CCDC141: variants seen among roughly 807,000 people sequenced by gnomAD.
CCDC141 encodes the protein coiled-coil domain-containing protein 141.
In CCDC141, 168 loss-of-function variants were observed where a neutral mutation model predicts 181.0. The observed-to-expected ratio is 0.93, with a 90% CI of 0.82 to 1.05. The LOEUF is 1.05. Ranked by LOEUF, CCDC141 falls within the 50% of genes least tolerant of loss-of-function variation. The pLI is 0.00. For synonymous variants in CCDC141, 666 were observed against 642.3 expected (o/e 1.04, Z -0.56); for missense variants, 1,902 against 1,788.5 (o/e 1.06, Z -1.14).
intron 2 of CCDC141, among the ~76,000 whole-genome samples, chr2:179,033,564 T>G (rs369656893): frequency 6.6e-6 from 1 of 152,240 alleles, no homozygotes; most frequent in East Asian, 1.9e-4. Flanking sequence ...TCAGACATAT[T>G]GAAGACTGGG....
chr2:178,898,426 C>A (rs578005135), intron 8 of CCDC141, among the ~76,000 whole-genome samples: 12 of 152,134 alleles, frequency 7.9e-5, no homozygotes, highest in Non-Finnish European at 1.0e-4. Context: ...CTCAGTTATT[C>A]TTCTACAGCA....
chr2:179,026,322 T>C (rs1271636705), intron 2 of CCDC141, among the ~76,000 whole-genome samples: 1 of 152,156 alleles, frequency 6.6e-6, no homozygotes, highest in Admixed American at 6.5e-5. Context: ...GTGGCCTGCA[T>C]CCCAACCACT....
chr2:178,827,454 T>A (rs186529417), downstream of CCDC141, among the ~76,000 whole-genome samples: 2 of 152,154 alleles, frequency 1.3e-5, no homozygotes, highest in African/African-American at 4.8e-5. Context: ...CTTCCTTATA[T>A]TGTATATATT....
intron 8 of CCDC141, among the ~76,000 whole-genome samples, chr2:178,902,245 G>T (rs1687732820): frequency 6.6e-6 from 1 of 152,036 alleles, no homozygotes; most frequent in African/African-American, 2.4e-5. Flanking sequence ...CACAGAATTG[G>T]AAAAAACTAC....
chr2:178,914,033 G>A (rs992548074), intron 7 of CCDC141, among the ~76,000 whole-genome samples: 3 of 152,102 alleles, frequency 2.0e-5, no homozygotes, highest in South Asian at 2.1e-4. Flanking sequence ...TGATAAATAC[G>A]TTTGGGGTGA....
rs1309098500 is a variant in CCDC141 at position 178,832,799 on chromosome 2, A to G, written c.*1374T>C. 2 of 152,174 alleles carry G rather than the reference A, an allele frequency of 1.3e-5. No individual in the cohort carries two copies. Among genetic ancestry groups the G allele is most frequent in the Non-Finnish European group, 2.9e-5 (2 of 68,030 alleles). The allele number at this position is 152,174 out of a possible 1,614,324, so 9.4% of individuals were successfully genotyped here. A position where few individuals can be genotyped will look rare whatever the true frequency, so the allele number is the denominator to read the frequency against. Reference sequence around the variant, plus strand: ...AAATCTGTAATGAATTATTCTTTCAACTAAAGATTTTCCTCAGCATAATAA... The same window carrying G: ...AAATCTGTAATGAATTATTCTTTCAGCTAAAGATTTTCCTCAGCATAATAA... On this transcript the variant is annotated 3_prime_UTR_variant, in exon 24 of 24. Transcript: ENST00000443758.
chr2:178,865,791 G>T lies in CCDC141; in HGVS notation c.2700C>A (p.Cys900Ter). The part of the protein sequence containing the change: ...GRTLSRSVEY[C>*]AMRDEINELK... The stretch of plus-strand genomic sequence containing the variant: ...CCTCATTTATCTCGTCTCTCATGGC[G>T]CAGTACTCCACACTACGGGACAGGG... The change falls in exon 17 of 24, where the codon TGC (cysteine) becomes TGA (stop). Residue 900 changes from cysteine (C) to a stop codon, truncating the protein, a stop_gained. Coordinates refer to ENST00000443758, the MANE Select transcript of CCDC141 (RefSeq NM_173648.4). LOFTEE classifies it high-confidence loss of function. 2.5e-6 allele frequency: 4 copies of T among 1,577,376 alleles called. No homozygotes were observed. The highest frequency in any genetic ancestry group is 3.4e-6 in the Non-Finnish European group (4 of 1,163,226).
Position 178,923,329 on chromosome 2 carries a change from C to T in CCDC141, c.898-4422G>A, listed in dbSNP as rs529550391. Among the ~76,000 whole-genome samples the T allele has an allele frequency of 1.6e-4, 24 of 152,162 alleles. 1 individual carries two copies. The South Asian group carries it at 3.7e-3, about 24-fold the overall frequency. Reference sequence around the variant, plus strand: ...CCATTTTAGCCGGGATGGTCTCGATCTCCTGACCTCGTGATCCGCCCGCCT... The same window carrying T: ...CCATTTTAGCCGGGATGGTCTCGATTTCCTGACCTCGTGATCCGCCCGCCT... On this transcript the variant is annotated intron_variant, in intron 6 of 23. Transcript: ENST00000443758.
At chr2:178,878,408 C>T (rs1208268622) in intron 11 of CCDC141, among the ~76,000 whole-genome samples, 2 of 151,272 alleles carry the variant, frequency 1.3e-5, no homozygotes, top group East Asian at 3.9e-4. Context: ...AAGCAATCCT[C>T]TCTCCTCATC....
At chr2:178,978,797 C>T (rs2154380798) in intron 2 of CCDC141, 122 bp from the exon 3 acceptor site, 1 of 731,304 alleles carries the variant, frequency 1.4e-6, no homozygotes, top group African/African-American at 1.8e-5. Flanking sequence ...TTTATAAACA[C>T]AAACTGTTAT....
At chr2:178,939,121 T>C (rs1689406342) in intron 6 of CCDC141, among the ~76,000 whole-genome samples, 1 of 152,142 alleles carries the variant, frequency 6.6e-6, no homozygotes, top group African/African-American at 2.4e-5. Context: ...GCTAGGTCTT[T>C]CCAGAAATCC....
intron 2 of CCDC141, among the ~76,000 whole-genome samples, chr2:179,027,956 C>T (rs2042900482): frequency 6.6e-6 from 1 of 152,146 alleles, no homozygotes; most frequent in Non-Finnish European, 1.5e-5. Context: ...GTTTAGCTCC[C>T]ACTTATAGGT....
chr2:178,980,186 T>C (rs1261912899), intron 2 of CCDC141, among the ~76,000 whole-genome samples: 1 of 152,110 alleles, frequency 6.6e-6, no homozygotes, highest in African/African-American at 2.4e-5. Context: ...ACCATTCCTG[T>C]AGAGAAACAT....
At chr2:178,996,392 C>G (rs1286470007) in intron 2 of CCDC141, among the ~76,000 whole-genome samples, 1 of 152,050 alleles carries the variant, frequency 6.6e-6, no homozygotes, top group Non-Finnish European at 1.5e-5. Flanking sequence ...TTGGAAAATT[C>G]TATGGCAGTG....
intron 4 of CCDC141, among the ~76,000 whole-genome samples, chr2:178,962,500 T>C (rs1190409598): frequency 6.6e-6 from 1 of 152,220 alleles, no homozygotes; most frequent in Non-Finnish European, 1.5e-5. Context: ...CAGTCTTCTC[T>C]TAATTGTATC....
intron 2 of CCDC141, among the ~76,000 whole-genome samples, chr2:179,036,162 A>G (rs1489010307): frequency 6.6e-6 from 1 of 152,108 alleles, no homozygotes; most frequent in Non-Finnish European, 1.5e-5. Context: ...CGAGGTCAGG[A>G]GTGTCTTTTC....
rs554824506 is a variant in CCDC141, at chr2:178,852,686, T to C, written c.3244+755A>G. Among the ~76,000 whole-genome samples the C allele has an allele frequency of 2.0e-5, 3 of 152,332 alleles. No homozygotes were observed. In the South Asian group the frequency reaches 6.2e-4, roughly 32 times the overall value. ...CAAATTAAGCATTTTGTACCAACTG[T>C]TGTGTCTTCTTTCTGGGCTGCATTT... is the stretch of plus-strand genomic sequence containing the variant. On this transcript the variant is annotated intron_variant, in intron 20 of 23. Coordinates refer to ENST00000443758, the MANE Select transcript of CCDC141 (RefSeq NM_173648.4).
chr2:178,886,142 T>C (rs1686872975), intron 10 of CCDC141, among the ~76,000 whole-genome samples: 4 of 152,190 alleles, frequency 2.6e-5, no homozygotes, highest in African/African-American at 9.6e-5. Flanking sequence ...GTCACAGGCC[T>C]CTTCCTGCTG....
intron 8 of CCDC141, among the ~76,000 whole-genome samples, chr2:178,894,299 A>G (rs546274332): frequency 6.6e-6 from 1 of 152,236 alleles, no homozygotes; most frequent in Admixed American, 6.6e-5. Flanking sequence ...AGGAGGAAAG[A>G]GCAAAGAGAG....
Sources: gnomAD v4.1 joint callset for allele counts (sites outside exome capture counted in the v4.1 genomes callset) on GRCh38, gnomAD v4.1.1 for gene constraint, MANE v1.5 for transcripts, NCBI Gene and HGNC (gene_info 2026-07-23, HGNC 2026-07-21) for gene names.